Variants in SASH1 observed in about 807,000 individuals in gnomAD.
SASH1 encodes the protein SAM and SH3 domain-containing protein 1.
A neutral mutation model predicts 125.2 loss-of-function variants in SASH1; 44 were observed. That is an observed-to-expected ratio of 0.35 (90% CI 0.28 to 0.45). The LOEUF (loss-of-function observed/expected upper bound fraction) is 0.45, where lower values mean the gene tolerates loss of function less well. Ranked by LOEUF, SASH1 falls within the 20% of genes least tolerant of loss-of-function variation. The pLI is 1.00. For missense variants in SASH1, 1,426 were observed against 1,614.5 expected (o/e 0.88, Z 2.00); for synonymous variants, 639 against 649.1 (o/e 0.98, Z 0.24).
intron 1 of SASH1, among the ~76,000 whole-genome samples, chr6:148,370,314 A>G (rs1232781365): frequency 6.6e-6 from 1 of 152,216 alleles, no homozygotes; most frequent in Non-Finnish European, 1.5e-5. Flanking sequence ...GGTTGGCAAG[A>G]TTTGGAATCA....
At position 148,350,580 on chromosome 6, in the gene SASH1, C is replaced by A. The variant is rs191935460; in HGVS notation, c.156+7357C>A. ...AAAACTATTGTTTATCTAATGTGTC[C>A]TTTTTAAGAGTGCTGTGGTGCTACC... is the stretch of plus-strand genomic sequence containing the variant. On this transcript the variant is annotated intron_variant, in intron 1 of 19. Coordinates refer to ENST00000367467, the MANE Select transcript of SASH1 (RefSeq NM_015278.5). Among the ~76,000 whole-genome samples, 612 of 152,304 alleles carry A rather than the reference C, an allele frequency of 4.0e-3. 4 individuals are homozygous for A. Among genetic ancestry groups the A allele is most frequent in the Middle Eastern group, 6.8e-3 (2 of 294 alleles).
intron 9 of SASH1, among the ~76,000 whole-genome samples, chr6:148,515,333 G>A (rs892820856): frequency 6.6e-6 from 1 of 152,094 alleles, no homozygotes; most frequent in East Asian, 1.9e-4. Context: ...TAACATGTAG[G>A]TTTTAAAATT....
At chr6:148,342,211 A>G (rs1469186303), upstream of SASH1, among the ~76,000 whole-genome samples, 1 of 152,180 alleles carries the variant, frequency 6.6e-6, no homozygotes, top group African/African-American at 2.4e-5. Flanking sequence ...GATCCAAACA[A>G]TGGCTCGTGC....
intron 8 of SASH1, among the ~76,000 whole-genome samples, chr6:148,509,979 G>A (rs1780023605): frequency 6.6e-6 from 1 of 152,234 alleles, no homozygotes; most frequent in African/African-American, 2.4e-5. Flanking sequence ...GGGCCCCATA[G>A]GTTCCTCATT....
the SASH1 span, among the ~76,000 whole-genome samples, chr6:148,207,724 T>C: frequency 6.6e-6 from 1 of 152,188 alleles, no homozygotes; most frequent in Non-Finnish European, 1.5e-5. Context: ...TAAACTGTAT[T>C]AATATTTTAT....
chr6:148,319,433 A>G (rs1582959462), intron 1 of SASH1, among the ~76,000 whole-genome samples: 1 of 152,184 alleles, frequency 6.6e-6, no homozygotes. Flanking sequence ...TTTTTCCTCA[A>G]TTTTAGTTAC....
the SASH1 span, among the ~76,000 whole-genome samples, chr6:148,203,207 C>T: frequency 6.6e-6 from 1 of 152,110 alleles, no homozygotes; most frequent in African/African-American, 2.4e-5. Flanking sequence ...CCATCTTTTC[C>T]ATCTTTGCCT....
chr6:148,394,489 G>A (rs1038019897), intron 2 of SASH1, among the ~76,000 whole-genome samples: 6 of 152,164 alleles, frequency 3.9e-5, no homozygotes, highest in African/African-American at 1.2e-4. Flanking sequence ...TATTGCATCA[G>A]AATTTTACAT....
intron 1 of SASH1, among the ~76,000 whole-genome samples, chr6:148,326,219 G>A (rs1780791603): frequency 6.9e-6 from 1 of 145,558 alleles, no homozygotes. Flanking sequence ...GTAGAGATGG[G>A]GTTTCACCAT....
chr6:148,498,777 C>G (rs750218553), intron 8 of SASH1, among the ~76,000 whole-genome samples: 1 of 152,196 alleles, frequency 6.6e-6, no homozygotes, highest in Non-Finnish European at 1.5e-5. Context: ...TTGGGAACAA[C>G]GCTGGGGAAG....
intron 17 of SASH1, among the ~76,000 whole-genome samples, chr6:148,541,337 T>A (rs1170975501): frequency 1.3e-5 from 2 of 151,716 alleles, no homozygotes; most frequent in Non-Finnish European, 2.9e-5. Context: ...CAAACTTTTT[T>A]AAAACTTAAT....
chr6:148,381,269 A>C (rs1382745098), intron 1 of SASH1, among the ~76,000 whole-genome samples: 3 of 152,206 alleles, frequency 2.0e-5, no homozygotes, highest in African/African-American at 7.2e-5. Flanking sequence ...TGACTAGTTC[A>C]TGCATAAGAT....
the SASH1 span, among the ~76,000 whole-genome samples, chr6:148,254,688 A>AT: frequency 1.3e-5 from 2 of 152,164 alleles, no homozygotes; most frequent in Non-Finnish European, 2.9e-5. Flanking sequence ...AATAATAAGA[A>AT]TTTTTTAAAA....
At chr6:148,400,829 A>T (rs760746667) in intron 2 of SASH1, among the ~76,000 whole-genome samples, 3 of 152,178 alleles carry the variant, frequency 2.0e-5, no homozygotes, top group African/African-American at 7.2e-5. Flanking sequence ...GCTCCCTCTC[A>T]TTAGAAGACC....
intron 1 of SASH1, among the ~76,000 whole-genome samples, chr6:148,372,992 C>T (rs930809735): frequency 4.6e-5 from 7 of 152,010 alleles, no homozygotes; most frequent in African/African-American, 1.4e-4. Context: ...GTCAGGAGTT[C>T]GAGACCAGCC....
At chr6:148,417,000 T>A (rs1784846514) in intron 2 of SASH1, among the ~76,000 whole-genome samples, 1 of 152,142 alleles carries the variant, frequency 6.6e-6, no homozygotes, top group Admixed American at 6.5e-5. Flanking sequence ...GAGGTAGCCC[T>A]GGGAAACTGA....
chr6:148,446,338 G>A (rs370109200), intron 4 of SASH1, among the ~76,000 whole-genome samples: 1 of 151,964 alleles, frequency 6.6e-6, no homozygotes. Flanking sequence ...TTGATCTCCT[G>A]ACCTCATGAT....
Position 148,387,664 on chromosome 6 carries a change from CTTTCTTTCTTTCTTTCTTTCTT to C in SASH1, c.157-2468_157-2447del, listed in dbSNP as rs1562371656. On this transcript the variant is annotated intron_variant, in intron 1 of 19. Coordinates refer to ENST00000367467, the MANE Select transcript of SASH1 (RefSeq NM_015278.5). ...TCTTTCTTTCTTTCTTTCTTTCTTT[CTTTCTTTCTTTCTTTCTTTCTT>C]TCTTTCGGCATCCTTAGTAAATTAT... Among the ~76,000 whole-genome samples, 4 of 62,576 alleles carry C rather than the reference CTTTCTTTCTTTCTTTCTTTCTT, an allele frequency of 6.4e-5. No homozygotes were observed. The East Asian group carries it at 1.3e-3, about 20-fold the overall frequency. 41.1% of individuals were successfully genotyped at this position (62,576 alleles called of 152,430 possible).
At chr6:148,218,248 A>G in the SASH1 span, among the ~76,000 whole-genome samples, 1 of 152,170 alleles carries the variant, frequency 6.6e-6, no homozygotes, top group South Asian at 2.1e-4. Context: ...AAAAAAACTT[A>G]GCTGCCAAGC....
Sources: gnomAD v4.1 joint callset for allele counts (sites outside exome capture counted in the v4.1 genomes callset) on GRCh38, gnomAD v4.1.1 for gene constraint, MANE v1.5 for transcripts, NCBI Gene and HGNC (gene_info 2026-07-23, HGNC 2026-07-21) for gene names.